Variants in PLCB4 observed in about 807,000 individuals in gnomAD.
The protein encoded by PLCB4 is phospholipase C beta 4.
PLCB4 carries 77 observed loss-of-function variants against 178.8 expected under a neutral mutation model. The ratio of observed to expected loss-of-function variants is 0.43; its 90% CI spans 0.36 to 0.52. The LOEUF (loss-of-function observed/expected upper bound fraction) is 0.52, where lower values mean the gene tolerates loss of function less well. PLCB4 is among the 20% of genes least tolerant of loss of function. The pLI, the probability that PLCB4 is intolerant of heterozygous loss-of-function variation, is 0.00. For synonymous variants in PLCB4, 496 were observed against 490.8 expected (o/e 1.01, Z -0.14); for missense variants, 1,024 against 1,453.4 (o/e 0.70, Z 4.80).
At chr20:9,151,390 C>G (rs908224977) in intron 2 of PLCB4, among the ~76,000 whole-genome samples, 2 of 152,092 alleles carry the variant, frequency 1.3e-5, no homozygotes, top group Non-Finnish European at 2.9e-5. Context: ...CAAATCTCAA[C>G]TAAATTTTAT....
chr20:9,341,757 G>A (rs1365335462), intron 7 of PLCB4, among the ~76,000 whole-genome samples: 1 of 151,900 alleles, frequency 6.6e-6, no homozygotes, highest in Non-Finnish European at 1.5e-5. Context: ...GGTTGGGGGT[G>A]GGGGGATGTA....
intron 33 of PLCB4, among the ~76,000 whole-genome samples, chr20:9,456,831 C>T (rs1341201759): frequency 6.6e-6 from 1 of 152,168 alleles, no homozygotes; most frequent in Non-Finnish European, 1.5e-5. Context: ...AGCTCAGGAC[C>T]TGTTCTTGTT....
rs1330361926 is a variant in PLCB4 at position 9,423,953 on chromosome 20, G to A, written c.2524+1G>A. On this transcript the variant is annotated splice_donor_variant, in intron 28 of 39. Coordinates refer to ENST00000378473, the MANE Select transcript of PLCB4 (RefSeq NM_001377142.1). LOFTEE classifies it high-confidence loss of function. ...ACATATGTGCCTGATGGATTTGGAG[G>A]TAAGATAAACATTTGGGTACGGAAT... 1 of 1,583,556 alleles carries A rather than the reference G, an allele frequency of 6.3e-7. No homozygotes were observed. The highest frequency in any genetic ancestry group is 1.3e-5 in the African/African-American group (1 of 74,464).
intron 3 of PLCB4, among the ~76,000 whole-genome samples, chr20:9,272,990 C>CA (rs2094419168): frequency 6.6e-6 from 1 of 151,102 alleles, no homozygotes; most frequent in African/African-American, 2.4e-5. Context: ...TTTAAAGTTA[C>CA]ACAGGAGAAA....
At chr20:9,194,710 A>AG (rs1356843710) in intron 2 of PLCB4, among the ~76,000 whole-genome samples, 2 of 151,700 alleles carry the variant, frequency 1.3e-5, no homozygotes, top group Admixed American at 1.3e-4. Flanking sequence ...AAAAAAAAAA[A>AG]AAAAAGAACC....
intron 2 of PLCB4, among the ~76,000 whole-genome samples, chr20:9,098,423 T>C (rs2091000644): frequency 6.6e-6 from 1 of 152,056 alleles, no homozygotes; most frequent in African/African-American, 2.4e-5. Context: ...CTTTTTCGCA[T>C]TTATCCAACA....
At chr20:9,421,207 A>G in intron 26 of PLCB4, 90 bp from the exon 27 acceptor site, 1 of 1,019,502 alleles carries the variant, frequency 9.8e-7, no homozygotes, top group African/African-American at 1.6e-5. Context: ...CTCCCACCCA[A>G]AAGACAGAAT....
At chr20:9,447,904 C>T (rs891233811) in intron 32 of PLCB4, among the ~76,000 whole-genome samples, 1 of 152,182 alleles carries the variant, frequency 6.6e-6, no homozygotes, top group Non-Finnish European at 1.5e-5. Context: ...ATGAACCTAT[C>T]AGGGCACAAA....
chr20:9,385,315 A>G (rs144177749), intron 14 of PLCB4, among the ~76,000 whole-genome samples: 7,605 of 152,102 alleles, frequency 0.05, 264 homozygotes, highest in Non-Finnish European at 0.076. Flanking sequence ...CTCGATGGTC[A>G]CTGTCTCTTT....
intron 3 of PLCB4, among the ~76,000 whole-genome samples, chr20:9,259,299 T>C (rs1374398139): frequency 1.3e-5 from 2 of 152,224 alleles, no homozygotes; most frequent in African/African-American, 4.8e-5. Flanking sequence ...CAGAGAACAA[T>C]TATGTAATTT....
At chr20:9,426,145 A>G (rs2040990605) in intron 28 of PLCB4, among the ~76,000 whole-genome samples, 1 of 152,122 alleles carries the variant, frequency 6.6e-6, no homozygotes, top group Non-Finnish European at 1.5e-5. Context: ...TAGGAAAAAA[A>G]AGAAACTCAT....
chr20:9,221,212 C>T (rs570042015), intron 3 of PLCB4, among the ~76,000 whole-genome samples: 163 of 152,198 alleles, frequency 1.1e-3, no homozygotes, highest in Middle Eastern at 0.01. Context: ...CAGTGGGCCG[C>T]TCTGGAACAT....
chr20:9,390,018 C>T (rs963450549), intron 16 of PLCB4, 60 bp downstream of exon 16: 2 of 848,982 alleles, frequency 2.4e-6, no homozygotes, highest in Non-Finnish European at 4.0e-6. Context: ...CCCCTAATGC[C>T]CACTCCTGCT....
intron 35 of PLCB4, among the ~76,000 whole-genome samples, chr20:9,462,947 C>A (rs2043500191): frequency 6.6e-6 from 1 of 152,062 alleles, no homozygotes; most frequent in East Asian, 1.9e-4. Flanking sequence ...AGAAGAGCAA[C>A]CCTAAGACAC....
At chr20:9,080,411 CA>C (rs1354725285) in intron 1 of PLCB4, among the ~76,000 whole-genome samples, 2 of 148,940 alleles carry the variant, frequency 1.3e-5, no homozygotes, top group Non-Finnish European at 3.0e-5. Context: ...TAGTCATTAG[CA>C]GCTACTACTT....
chr20:9,142,137 T>C (rs994162909), intron 2 of PLCB4, among the ~76,000 whole-genome samples: 6 of 152,006 alleles, frequency 3.9e-5, no homozygotes, highest in Admixed American at 3.9e-4. Flanking sequence ...GTAGTTTTGA[T>C]GAGGAAGAGG....
intron 2 of PLCB4, among the ~76,000 whole-genome samples, chr20:9,130,339 C>T (rs967810136): frequency 6.6e-6 from 1 of 152,176 alleles, no homozygotes; most frequent in Non-Finnish European, 1.5e-5. Flanking sequence ...CTTCCACACT[C>T]CCCACACCAA....
chr20:9,189,937 CAAACTTTT>C (rs2093379593), intron 2 of PLCB4, among the ~76,000 whole-genome samples: 1 of 152,148 alleles, frequency 6.6e-6, no homozygotes, highest in Non-Finnish European at 1.5e-5. Context: ...ATTTTGGACA[CAAACTTTT>C]AAACCATAGA....
At chr20:9,277,210 A>G (rs1239333128) in intron 3 of PLCB4, among the ~76,000 whole-genome samples, 3 of 152,048 alleles carry the variant, frequency 2.0e-5, no homozygotes, top group Non-Finnish European at 4.4e-5. Context: ...AAGAGTAAAC[A>G]TGTTTAACCT....
Sources: gnomAD v4.1 joint callset for allele counts (sites outside exome capture counted in the v4.1 genomes callset) on GRCh38, gnomAD v4.1.1 for gene constraint, MANE v1.5 for transcripts, NCBI Gene and HGNC (gene_info 2026-07-23, HGNC 2026-07-21) for gene names.